Variants in HERC3 observed in about 807,000 individuals in gnomAD.
HERC3 encodes the protein HECT and RLD domain containing E3 ubiquitin protein ligase 3, also known as probable E3 ubiquitin-protein ligase HERC3.
In HERC3, 58 loss-of-function variants were observed where a neutral mutation model predicts 129.9. The ratio of observed to expected loss-of-function variants is 0.45; its 90% CI spans 0.36 to 0.56. The LOEUF is 0.56. HERC3 is among the 20% of genes least tolerant of loss of function. The pLI is 0.00. For missense variants in HERC3, 835 were observed against 1,244.2 expected (o/e 0.67, Z 4.95); for synonymous variants, 430 against 451.0 (o/e 0.95, Z 0.59).
At chr4:88,655,740 G>T in intron 8 of HERC3, 135 bp from the exon 9 acceptor site, 1 of 782,852 alleles carries the variant, frequency 1.3e-6, no homozygotes, top group Non-Finnish European at 2.1e-6. Flanking sequence ...GCTGCAAGAA[G>T]AGTCACGTGT....
At chr4:88,665,901 GT>G (rs1292334463) in intron 12 of HERC3, among the ~76,000 whole-genome samples, 1 of 152,164 alleles carries the variant, frequency 6.6e-6, no homozygotes, top group Non-Finnish European at 1.5e-5. Flanking sequence ...CAGAACAGGG[GT>G]TCTCAACCAG....
chr4:88,570,613 A>T, the HERC3 span, among the ~76,000 whole-genome samples: 1 of 152,260 alleles, frequency 6.6e-6, no homozygotes, highest in African/African-American at 2.4e-5. Context: ...TAGTCCAGAT[A>T]TGGCTCCTAC....
intron 3 of HERC3, among the ~76,000 whole-genome samples, chr4:88,641,260 A>G (rs934208421): frequency 6.6e-6 from 1 of 152,250 alleles, no homozygotes; most frequent in African/African-American, 2.4e-5. Flanking sequence ...TTTTGAACTG[A>G]ACGAAAATGA....
At chr4:88,658,276 G>C in intron 9 of HERC3, 139 bp from the exon 10 acceptor site, 1 of 509,060 alleles carries the variant, frequency 2.0e-6, no homozygotes, top group South Asian at 3.2e-5. Flanking sequence ...TGAGCCAGGG[G>C]AGAAGATTTC....
chr4:88,629,194 A>G (rs929343860), intron 3 of HERC3, among the ~76,000 whole-genome samples: 1 of 152,224 alleles, frequency 6.6e-6, no homozygotes, highest in African/African-American at 2.4e-5. Flanking sequence ...TTAATTCCAC[A>G]TTACAAAAGT....
the HERC3 span, among the ~76,000 whole-genome samples, chr4:88,562,725 T>A: frequency 6.6e-6 from 1 of 152,212 alleles, no homozygotes; most frequent in Non-Finnish European, 1.5e-5. Context: ...CATATGGATA[T>A]CCAGTTTTCT....
the HERC3 span, among the ~76,000 whole-genome samples, chr4:88,535,384 T>C: frequency 6.6e-6 from 1 of 152,244 alleles, no homozygotes; most frequent in African/African-American, 2.4e-5. Flanking sequence ...TTTATTTTAA[T>C]GTAAAGATCT....
At chr4:88,704,833 G>A (rs1424492895) in intron 25 of HERC3, among the ~76,000 whole-genome samples, 2 of 149,276 alleles carry the variant, frequency 1.3e-5, no homozygotes, top group Non-Finnish European at 3.0e-5. Flanking sequence ...AAGAAAAGAA[G>A]CATCTCACTG....
At chr4:88,651,303 G>A (rs1269918229) in intron 4 of HERC3, among the ~76,000 whole-genome samples, 1 of 152,024 alleles carries the variant, frequency 6.6e-6, no homozygotes, top group Non-Finnish European at 1.5e-5. Context: ...ACTTTGATTT[G>A]TATATAGTTT....
the HERC3 span, among the ~76,000 whole-genome samples, chr4:88,554,131 A>G: frequency 6.6e-6 from 1 of 152,126 alleles, no homozygotes; most frequent in Non-Finnish European, 1.5e-5. Context: ...GCAGATTACA[A>G]GGTCAAGAGG....
intron 3 of HERC3, among the ~76,000 whole-genome samples, chr4:88,613,188 A>T (rs1209494915): frequency 6.6e-6 from 1 of 152,178 alleles, no homozygotes; most frequent in Non-Finnish European, 1.5e-5. Flanking sequence ...ATCTAATTTG[A>T]CTCTGCTAAA....
At chr4:88,604,803 G>C (rs1220868085) in intron 2 of HERC3, among the ~76,000 whole-genome samples, 1 of 152,158 alleles carries the variant, frequency 6.6e-6, no homozygotes, top group East Asian at 1.9e-4. Flanking sequence ...GGATCACATG[G>C]TATCTCTATG....
At position 88,707,050 on chromosome 4, in the gene HERC3, T is replaced by G; in HGVS notation, c.*90T>G. On this transcript the variant is annotated 3_prime_UTR_variant, in exon 26 of 26. Coordinates refer to ENST00000402738, the MANE Select transcript of HERC3 (RefSeq NM_014606.3). ...AATCATGGGGAGTGATTTCTATTTT[T>G]TTATTGTCTAAGTGGGTTGGGACTT... is the stretch of plus-strand genomic sequence containing the variant. The G allele has an allele frequency of 9.6e-7, 1 of 1,038,172 alleles. No individual in the cohort carries two copies. 64.3% of individuals were successfully genotyped at this position (1,038,172 alleles called of 1,614,324 possible). A position where few individuals can be genotyped will look rare whatever the true frequency, so the allele number is the denominator to read the frequency against.
intron 2 of HERC3, among the ~76,000 whole-genome samples, chr4:88,595,841 CTTTTTT>C (rs532515500): frequency 1.4e-4 from 11 of 80,250 alleles, no homozygotes; most frequent in African/African-American, 4.9e-4. Context: ...GCACTTAATT[CTTTTTT>C]TTTTTTTTTT....
At chr4:88,643,763 A>ATG (rs1317283353) in intron 3 of HERC3, among the ~76,000 whole-genome samples, 1 of 152,226 alleles carries the variant, frequency 6.6e-6, no homozygotes, top group Non-Finnish European at 1.5e-5. Context: ...ACAGATCTCA[A>ATG]TGTAAAATGT....
At chr4:88,591,403 C>T (rs1721700595), upstream of HERC3, among the ~76,000 whole-genome samples, 1 of 152,184 alleles carries the variant, frequency 6.6e-6, no homozygotes, top group South Asian at 2.1e-4. Context: ...ACTTTCTTTT[C>T]TACTTGGTCA....
At chr4:88,541,412 C>T in the HERC3 span, among the ~76,000 whole-genome samples, 1 of 152,148 alleles carries the variant, frequency 6.6e-6, no homozygotes, top group African/African-American at 2.4e-5. Flanking sequence ...TATATATGTA[C>T]CTAATACAGG....
intron 23 of HERC3, chr4:88,690,143 A>G: frequency 1.0e-6 from 1 of 985,436 alleles, no homozygotes; most frequent in Non-Finnish European, 1.2e-6. Flanking sequence ...GTTGCAATCA[A>G]AACCCTTGAT....
the HERC3 span, among the ~76,000 whole-genome samples, chr4:88,581,489 A>G: frequency 1.3e-5 from 2 of 150,954 alleles, no homozygotes; most frequent in South Asian, 4.2e-4. Context: ...TATTTTTAGT[A>G]GAGACAGGGT....
Sources: allele counts gnomAD v4.1 joint callset (sites outside exome capture counted in the v4.1 genomes callset), GRCh38; gene constraint gnomAD v4.1.1; transcripts MANE v1.5; gene names NCBI Gene and HGNC (gene_info 2026-07-23, HGNC 2026-07-21).